Variants in XIAP observed in about 807,000 individuals in gnomAD.
XIAP encodes the protein E3 ubiquitin-protein ligase XIAP.
A neutral mutation model predicts 33.1 loss-of-function variants in XIAP; 3 were observed. That is an observed-to-expected ratio of 0.09 (90% CI 0.04 to 0.23). The LOEUF is 0.23. XIAP is among the 10% of genes least tolerant of loss of function. The probability of loss-of-function intolerance (pLI) is 1.00; values close to 1 mark genes in which losing one functional copy is unlikely to be tolerated. For synonymous variants in XIAP, 98 were observed against 121.3 expected (o/e 0.81, Z 1.26); for missense variants, 264 against 363.0 (o/e 0.73, Z 2.22).
chrX:123,886,613 T>C lies in XIAP; in HGVS notation c.877+74T>C, dbSNP rs966031572. The C allele has an allele frequency of 1.2e-4, 125 of 1,082,199 alleles. No individual in the cohort carries two copies. In the Admixed American group the frequency reaches 2.7e-3, roughly 23 times the overall value. 89.2% of individuals were successfully genotyped at this position (1,082,199 alleles called of 1,213,427 possible). A position where few individuals can be genotyped will look rare whatever the true frequency, so the allele number is the denominator to read the frequency against. ...CTCATAAAAAGTAAATAGATGCCCT[T>C]AGCCCCCTGAACTGGTAAATATTTA... is the stretch of plus-strand genomic sequence containing the variant. On this transcript the variant is annotated intron_variant, in intron 2 of 6. Coordinates refer to ENST00000371199, the MANE Select transcript of XIAP (RefSeq NM_001167.4).
At chrX:123,898,045 A>G (rs1344642391) in intron 5 of XIAP, among the ~76,000 whole-genome samples, 1 of 112,106 alleles carries the variant, frequency 8.9e-6, no homozygotes, top group Non-Finnish European at 1.9e-5. Context: ...CATCTCTAAA[A>G]ACCACTCAGA....
In XIAP at chrX:123,913,521, TG is replaced by T; in HGVS notation, c.*6342del. ...GACAAATGCTACATTAATGTTTGGGTGGTCAGATTCTACTTTGAATCTGAAG... is the reference window on the plus strand; with the variant it reads ...GACAAATGCTACATTAATGTTTGGGTGTCAGATTCTACTTTGAATCTGAAG... On this transcript the variant is annotated 3_prime_UTR_variant, in exon 7 of 7. Transcript: ENST00000371199. 3.0e-6 allele frequency: 1 copy of T among 328,862 alleles called. No homozygotes were observed. The highest frequency in any genetic ancestry group is 5.9e-6 in the Non-Finnish European group (1 of 169,815). The allele number at this position is 328,862 out of a possible 1,213,427, so 27.1% of individuals were successfully genotyped here.
intron 1 of XIAP, among the ~76,000 whole-genome samples, chrX:123,869,354 A>C (rs1220426836): frequency 2.5e-5 from 2 of 79,447 alleles, no homozygotes; most frequent in Non-Finnish European, 4.8e-5. Flanking sequence ...ATCTCTACTA[A>C]AAAAATACAA....
chrX:123,911,197 G>C lies in XIAP; in HGVS notation c.*4016G>C, dbSNP rs2053598263. 3.0e-6 allele frequency: 1 copy of C among 328,940 alleles called. No homozygotes were observed. The highest frequency in any genetic ancestry group is 5.9e-6 in the Non-Finnish European group (1 of 170,015). The allele number at this position is 328,940 out of a possible 1,213,427, so 27.1% of individuals were successfully genotyped here. A position where few individuals can be genotyped will look rare whatever the true frequency, so the allele number is the denominator to read the frequency against. On this transcript the variant is annotated 3_prime_UTR_variant, in exon 7 of 7. Transcript: ENST00000371199. Reference sequence around the variant, plus strand: ...TTTCTCATAGATAAGATATAAATCAGCTGGGCGCGGTGGCTCATGCCTGTA... The same window carrying C: ...TTTCTCATAGATAAGATATAAATCACCTGGGCGCGGTGGCTCATGCCTGTA...
rs990299775 is a variant in XIAP, at chrX:123,913,339, G to A, written c.*6158G>A. 2.8e-5 allele frequency: 9 copies of A among 326,501 alleles called. No individual in the cohort carries two copies. The highest frequency in any genetic ancestry group is 2.4e-4 in the African/African-American group (9 of 37,582). 26.9% of individuals were successfully genotyped at this position (326,501 alleles called of 1,213,427 possible). Reference sequence around the variant, plus strand: ...TACAAAAATAGCTGGGCATGGTGGCGCATGCCTGTAGTCCCAGCTACTAGA... The same window carrying A: ...TACAAAAATAGCTGGGCATGGTGGCACATGCCTGTAGTCCCAGCTACTAGA... On this transcript the variant is annotated 3_prime_UTR_variant, in exon 7 of 7. Transcript: ENST00000371199.
chrX:123,869,208 C>A (rs757315926), intron 1 of XIAP, among the ~76,000 whole-genome samples: 2 of 107,775 alleles, frequency 1.9e-5, no homozygotes, highest in South Asian at 4.1e-4. Context: ...TCTTATTCAC[C>A]TTAAATACAG....
chrX:123,913,349 A>C lies in XIAP; in HGVS notation c.*6168A>C, dbSNP rs1037333297. The stretch of plus-strand genomic sequence containing the variant: ...GCTGGGCATGGTGGCGCATGCCTGT[A>C]GTCCCAGCTACTAGAGCGACTGAGG... On this transcript the variant is annotated 3_prime_UTR_variant, in exon 7 of 7. Coordinates refer to ENST00000371199, the MANE Select transcript of XIAP (RefSeq NM_001167.4). The C allele has an allele frequency of 3.1e-6, 1 of 326,728 alleles. No individual in the cohort carries two copies. Among genetic ancestry groups the C allele is most frequent in the Admixed American group, 3.1e-5 (1 of 31,902 alleles). 26.9% of individuals were successfully genotyped at this position (326,728 alleles called of 1,213,427 possible).
chrX:123,875,464 C>T (rs894535224), intron 1 of XIAP, among the ~76,000 whole-genome samples: 5 of 112,276 alleles, frequency 4.5e-5, no homozygotes, highest in Non-Finnish European at 7.5e-5. Context: ...GTTTTTAGTT[C>T]TAACAGGCAA....
chrX:123,880,244 C>G (rs777166369), intron 1 of XIAP, among the ~76,000 whole-genome samples: 3 of 88,987 alleles, frequency 3.4e-5, no homozygotes, highest in African/African-American at 1.3e-4. Flanking sequence ...GGAACCCTGT[C>G]TCTACTAAAA....
chrX:123,877,906 G>A (rs888980779), intron 1 of XIAP, among the ~76,000 whole-genome samples: 1 of 109,672 alleles, frequency 9.1e-6, no homozygotes, highest in Non-Finnish European at 1.9e-5. Flanking sequence ...CCCGGGAGGC[G>A]GAGCTTGCAG....
At chrX:123,890,961 A>G (rs969465380) in intron 3 of XIAP, among the ~76,000 whole-genome samples, 3 of 110,972 alleles carry the variant, frequency 2.7e-5, no homozygotes, top group African/African-American at 6.5e-5. Context: ...AAAAATAACA[A>G]AAGTCAAGGT....
chrX:123,882,337 C>A (rs138817381), intron 1 of XIAP, among the ~76,000 whole-genome samples: 90 of 111,447 alleles, frequency 8.1e-4, no homozygotes, highest in African/African-American at 2.9e-3. Flanking sequence ...CTTAATTCTG[C>A]CCTCAAGCTA....
intron 1 of XIAP, among the ~76,000 whole-genome samples, chrX:123,863,125 C>T (rs1304664755): frequency 9.1e-6 from 1 of 110,267 alleles, no homozygotes. Context: ...GAATTGTAGA[C>T]TCTTTGTAGA....
At chrX:123,896,157 C>G (rs1298222891) in intron 5 of XIAP, among the ~76,000 whole-genome samples, 1 of 111,075 alleles carries the variant, frequency 9.0e-6, no homozygotes, top group Non-Finnish European at 1.9e-5. Flanking sequence ...GCCTCGACCT[C>G]CCTGGCTCAA....
At position 123,908,354 on chromosome X, in the gene XIAP, CAATT is replaced by C. The variant is rs747235601; in HGVS notation, c.*1179_*1182del. 6.7e-4 allele frequency: 249 copies of C among 370,237 alleles called. No individual in the cohort carries two copies. The highest frequency in any genetic ancestry group is 5.8e-3 in the African/African-American group (229 of 39,680). The allele number at this position is 370,237 out of a possible 1,213,427, so 30.5% of individuals were successfully genotyped here. On this transcript the variant is annotated 3_prime_UTR_variant, in exon 7 of 7. Transcript: ENST00000371199. ...AATATAAAATATGTCTCAGATCTTC[CAATT>C]AATTAGTAAGGATTCATCCTTAATC...
intron 1 of XIAP, among the ~76,000 whole-genome samples, chrX:123,875,923 C>T (rs1015885364): frequency 1.8e-5 from 2 of 112,006 alleles, no homozygotes; most frequent in South Asian, 3.7e-4. Context: ...CGAAATCAAG[C>T]GATCCACCCA....
At position 123,885,927 on chromosome X, in the gene XIAP, A is replaced by G; in HGVS notation, c.265A>G (p.Asn89Asp). Reference sequence around the variant, plus strand: ...TGGAAGACACAGGAAAGTATCCCCAAATTGCAGATTTATCAACGGCTTTTA... The same window carrying G: ...TGGAAGACACAGGAAAGTATCCCCAGATTGCAGATTTATCAACGGCTTTTA... ...AVGRHRKVSP[N>D]CRFINGFYLE... is the part of the protein sequence containing the mutation. The change falls in exon 2 of 7, where the codon AAT becomes GAT. Residue 89 changes from asparagine (N) to aspartate (D), a missense_variant. Transcript: ENST00000371199. The G allele has an allele frequency of 8.3e-7, 1 of 1,211,582 alleles. No individual in the cohort carries two copies. Among genetic ancestry groups the G allele is most frequent in the Non-Finnish European group, 1.1e-6 (1 of 895,526 alleles).
chrX:123,887,557 G>C (rs2053363135), intron 2 of XIAP, among the ~76,000 whole-genome samples: 1 of 112,466 alleles, frequency 8.9e-6, no homozygotes, highest in Non-Finnish European at 1.9e-5. Context: ...GTGTCATGTA[G>C]CTATAAACTT....
At chrX:123,864,264 G>C (rs2053107448) in intron 1 of XIAP, among the ~76,000 whole-genome samples, 1 of 52,395 alleles carries the variant, frequency 1.9e-5, no homozygotes, top group Non-Finnish European at 3.6e-5. Flanking sequence ...TAAATGTTTA[G>C]CGATAAAATA....
Sources: allele counts gnomAD v4.1 joint callset (sites outside exome capture counted in the v4.1 genomes callset), GRCh38; gene constraint gnomAD v4.1.1; transcripts MANE v1.5; gene names NCBI Gene and HGNC (gene_info 2026-07-23, HGNC 2026-07-21).